BCAT1: variants seen among roughly 807,000 people sequenced by gnomAD.
The protein encoded by BCAT1 is branched chain amino acid transaminase 1.
In BCAT1, 48 loss-of-function variants were observed where a neutral mutation model predicts 52.4. The ratio of observed to expected loss-of-function variants is 0.92; its 90% CI spans 0.73 to 1.16. BCAT1 has a LOEUF of 1.16. Ranked by LOEUF, BCAT1 falls within the 50% of genes most tolerant of loss-of-function variation. The pLI, the probability that BCAT1 is intolerant of heterozygous loss-of-function variation, is 0.00. For missense variants in BCAT1, 451 were observed against 457.1 expected (o/e 0.99, Z 0.12); for synonymous variants, 167 against 161.3 (o/e 1.04, Z -0.27).
intron 8 of BCAT1, chr12:24,834,774 G>A: frequency 8.6e-7 from 1 of 1,156,242 alleles, no homozygotes. Context: ...AGAAAATCAG[G>A]CAAATTAATT....
intron 5 of BCAT1, among the ~76,000 whole-genome samples, chr12:24,858,319 AAAAT>A (rs1359978624): frequency 6.6e-6 from 1 of 152,246 alleles, no homozygotes; most frequent in Admixed American, 6.5e-5. Context: ...TTTTGTCAGA[AAAAT>A]AAAAACTTTA....
At chr12:24,836,823 A>AAAG (rs1555102767) in intron 7 of BCAT1, among the ~76,000 whole-genome samples, 12,216 of 114,406 alleles carry the variant, frequency 0.11, 1,046 homozygotes, top group Middle Eastern at 0.15. Flanking sequence ...GGAAGGAAAG[A>AAAG]AGGAAGGAAG....
At chr12:24,937,616 A>C (rs1174624794) in intron 1 of BCAT1, among the ~76,000 whole-genome samples, 4 of 152,044 alleles carry the variant, frequency 2.6e-5, no homozygotes, top group Admixed American at 2.6e-4. Context: ...TGCTCAAGTG[A>C]TCCTCCCACC....
At position 24,810,238 on chromosome 12, in the gene BCAT1, G is replaced by A. The variant is rs758476022; in HGVS notation, c.*7770C>T. ...GTCGGCCGTTTGGTTACAGAAATGC[G>A]ATCCTGCAAGTTGTCACCACTATAC... On this transcript the variant is annotated 3_prime_UTR_variant, in exon 11 of 11. Transcript: ENST00000261192. 2 of 152,098 alleles carry A rather than the reference G, an allele frequency of 1.3e-5. No homozygotes were observed. The highest frequency in any genetic ancestry group is 2.9e-5 in the Non-Finnish European group (2 of 68,026). 9.4% of individuals were successfully genotyped at this position (152,098 alleles called of 1,614,324 possible).
At chr12:24,878,916 T>A (rs939416451) in intron 4 of BCAT1, among the ~76,000 whole-genome samples, 2 of 152,050 alleles carry the variant, frequency 1.3e-5, no homozygotes, top group African/African-American at 4.8e-5. Context: ...ATAAAAAAAA[T>A]TTTAAAGTAA....
At chr12:24,856,510 A>G (rs1215658642) in intron 5 of BCAT1, among the ~76,000 whole-genome samples, 1 of 143,518 alleles carries the variant, frequency 7.0e-6, no homozygotes, top group Non-Finnish European at 1.5e-5. Flanking sequence ...CTTAATCCAT[A>G]GGCCTGCTGT....
At chr12:24,929,262 T>G (rs1943643790) in intron 1 of BCAT1, among the ~76,000 whole-genome samples, 1 of 152,230 alleles carries the variant, frequency 6.6e-6, no homozygotes, top group Admixed American at 6.5e-5. Flanking sequence ...TCCCTAGCAC[T>G]GTCCTTAAAC....
chr12:24,922,135 G>A (rs1213224993), intron 1 of BCAT1, among the ~76,000 whole-genome samples: 3 of 152,160 alleles, frequency 2.0e-5, no homozygotes, highest in Non-Finnish European at 4.4e-5. Flanking sequence ...ACAAAGACAT[G>A]AGCACACACG....
At chr12:24,834,289 TTCC>T in intron 8 of BCAT1, 1 of 985,360 alleles carries the variant, frequency 1.0e-6, no homozygotes. Flanking sequence ...GACAATTCTC[TTCC>T]TTCTCTTTCA....
chr12:24,842,964 A>T (rs1214688925), intron 6 of BCAT1, among the ~76,000 whole-genome samples: 3 of 152,216 alleles, frequency 2.0e-5, no homozygotes, highest in Non-Finnish European at 4.4e-5. Flanking sequence ...ATATTATAAA[A>T]TAAGGATGAA....
intron 1 of BCAT1, chr12:24,902,849 TGCAGGAAACGGCGACAAGGCGCCCG>T (rs1253328062): frequency 6.8e-7 from 1 of 1,466,948 alleles, no homozygotes; most frequent in South Asian, 1.2e-5. Flanking sequence ...AGGAGGATGG[TGCAGGAAACGGCGACAAGGCGCCCG>T]GCCAGGCCCG....
intron 1 of BCAT1, chr12:24,902,746 G>T (rs1232174973): frequency 1.3e-6 from 1 of 768,390 alleles, no homozygotes; most frequent in South Asian, 1.9e-5. Context: ...GAACCTCGAA[G>T]AGGTGGAGAT....
intron 1 of BCAT1, among the ~76,000 whole-genome samples, chr12:24,947,167 C>CCACACA (rs57265449): frequency 0.014 from 1,911 of 141,206 alleles, 19 homozygotes; most frequent in East Asian, 0.028. Context: ...CGTCTTCCCT[C>CCACACA]CACACACACA....
At chr12:24,875,389 C>A (rs1942304601) in intron 5 of BCAT1, among the ~76,000 whole-genome samples, 1 of 152,104 alleles carries the variant, frequency 6.6e-6, no homozygotes, top group Non-Finnish European at 1.5e-5. Context: ...TACAAATATA[C>A]CAACCAAATA....
chr12:24,887,953 G>A (rs1020281728), intron 3 of BCAT1, among the ~76,000 whole-genome samples: 4 of 152,078 alleles, frequency 2.6e-5, no homozygotes, highest in Non-Finnish European at 4.4e-5. Flanking sequence ...GACTCAATAG[G>A]TCCGATGAGT....
At chr12:24,871,289 C>A (rs1942178624) in intron 5 of BCAT1, among the ~76,000 whole-genome samples, 1 of 152,108 alleles carries the variant, frequency 6.6e-6, no homozygotes. Context: ...TTCACTGGAG[C>A]ATTGTGTGAG....
intron 1 of BCAT1, among the ~76,000 whole-genome samples, chr12:24,932,514 A>G (rs1943690884): frequency 6.6e-6 from 1 of 152,266 alleles, no homozygotes; most frequent in South Asian, 2.1e-4. Flanking sequence ...TTCATATTGC[A>G]TCACTGACTG....
At chr12:24,847,864 T>G (rs1014255463) in intron 6 of BCAT1, among the ~76,000 whole-genome samples, 3 of 152,228 alleles carry the variant, frequency 2.0e-5, no homozygotes, top group African/African-American at 7.2e-5. Context: ...GTGTCAAGGG[T>G]AACTGTTGAC....
intron 5 of BCAT1, among the ~76,000 whole-genome samples, chr12:24,851,233 C>A (rs568654459): frequency 6.6e-6 from 1 of 152,228 alleles, no homozygotes; most frequent in South Asian, 2.1e-4. Flanking sequence ...TTCACTAGAG[C>A]CTGGTCTACC....
Sources: allele counts gnomAD v4.1 joint callset (sites outside exome capture counted in the v4.1 genomes callset), GRCh38; gene constraint gnomAD v4.1.1; transcripts MANE v1.5; gene names NCBI Gene and HGNC (gene_info 2026-07-23, HGNC 2026-07-21).